The following PHC2 variants were observed in gnomAD, a reference collection of about 807,000 sequenced individuals.
The protein encoded by PHC2 is polyhomeotic homolog 2.
Under a neutral mutation model 87.4 loss-of-function variants are expected in PHC2, and 29 were observed. The observed-to-expected ratio is 0.33, with a 90% confidence interval of 0.25 to 0.45. PHC2 has a LOEUF of 0.45. PHC2 is among the 20% of genes least tolerant of loss of function. PHC2 has a pLI of 1.00. For synonymous variants in PHC2, 438 were observed against 461.7 expected, an observed-to-expected ratio of 0.95 and a Z score of 0.66; for missense variants, 857 against 1,136.7, an observed-to-expected ratio of 0.75 and a Z score of 3.54.
chr1:33,347,591 C>T (rs1646868571), intron 9 of PHC2: 1 of 985,434 alleles, frequency 1.0e-6, no homozygotes. Context: ...GGGGTGAAAA[C>T]AGGAGAGAAA....
chr1:33,406,354 T>G (rs1261950156), intron 1 of PHC2, among the ~76,000 whole-genome samples: 2 of 152,208 alleles, frequency 1.3e-5, no homozygotes, highest in Non-Finnish European at 2.9e-5. Flanking sequence ...CATTTTTAAC[T>G]TTCTGTTTAC....
Position 33,373,807 on chromosome 1 carries a change from C to T in PHC2, c.175-1360G>A, listed in dbSNP as rs1185667531. Among the ~76,000 whole-genome samples, 3 of 152,238 alleles carry T rather than the reference C, an allele frequency of 2.0e-5. No homozygotes were observed. In the East Asian group the frequency reaches 5.9e-4, roughly 30 times the overall value. On this transcript the variant is annotated intron_variant, in intron 2 of 14. Transcript: ENST00000683057. Reference sequence around the variant, plus strand: ...TGACCCTGGGCCCTGTCCCGGCGAGCAAGCCTTGCCAGAACGGGGCCCAGG... The same window carrying T: ...TGACCCTGGGCCCTGTCCCGGCGAGTAAGCCTTGCCAGAACGGGGCCCAGG...
intron 1 of PHC2, among the ~76,000 whole-genome samples, chr1:33,384,086 G>A (rs1648623876): frequency 6.6e-6 from 1 of 152,142 alleles, no homozygotes; most frequent in Non-Finnish European, 1.5e-5. Flanking sequence ...TGAAACTAAT[G>A]GTAAAAAAGG....
intron 1 of PHC2, among the ~76,000 whole-genome samples, chr1:33,409,529 C>A (rs6701932): frequency 0.48 from 73,205 of 152,054 alleles, 19,001 homozygotes; most frequent in South Asian, 0.62. Flanking sequence ...TCCTCTCCCC[C>A]AAATCTTCTA....
rs1340306090 is a variant in PHC2 at position 33,382,152 on chromosome 1, A to G, written c.-54-6559T>C. On this transcript the variant is annotated intron_variant, in intron 1 of 14. Transcript: ENST00000683057. This position sits in a 1 kb window ranked among gnomAD's most constrained non-coding sequence, Gnocchi z 4.3. The stretch of plus-strand genomic sequence containing the variant: ...AAACATAATTAGTAAGTGTGGACCC[A>G]TATAACAGCTTTAAAACTTTTTTTT... Among the ~76,000 whole-genome samples, 1 of 152,174 alleles carries G rather than the reference A, an allele frequency of 6.6e-6. No homozygotes were observed. Among genetic ancestry groups the G allele is most frequent in the African/African-American group, 2.4e-5 (1 of 41,428 alleles).
At chr1:33,403,497 G>A (rs1305086957) in intron 1 of PHC2, among the ~76,000 whole-genome samples, 2 of 152,172 alleles carry the variant, frequency 1.3e-5, no homozygotes, top group Non-Finnish European at 1.5e-5. Context: ...ACAGGGAGGA[G>A]CATATGGGTG....
chr1:33,328,186 T>C (rs1250235520), intron 14 of PHC2, among the ~76,000 whole-genome samples: 3 of 152,136 alleles, frequency 2.0e-5, no homozygotes, highest in Non-Finnish European at 4.4e-5. Flanking sequence ...GGCTTGCCTC[T>C]TACAGCTGGC....
At chr1:33,350,891 G>C (rs1253524012) in intron 9 of PHC2, among the ~76,000 whole-genome samples, 2 of 151,412 alleles carry the variant, frequency 1.3e-5, no homozygotes, top group African/African-American at 4.9e-5. Flanking sequence ...CTTATATTTT[G>C]TTTTATAAAC....
chr1:33,324,313 C>G lies in PHC2; in HGVS notation c.*552G>C, dbSNP rs544507286. ...CACAGCGTTAAGGCGTCTGTGCCAG[C>G]AGGCACGGCCCGGCTGGGCCCAGCT... On this transcript the variant is annotated 3_prime_UTR_variant, in exon 15 of 15. Transcript: ENST00000683057. 6.5e-6 allele frequency: 1 copy of G among 153,214 alleles called. No individual in the cohort carries two copies. Among genetic ancestry groups the G allele is most frequent in the Non-Finnish European group, 1.5e-5 (1 of 68,386 alleles). 9.5% of individuals were successfully genotyped at this position (153,214 alleles called of 1,614,324 possible).
chr1:33,392,036 T>C lies in PHC2; in HGVS notation c.-54-16443A>G, dbSNP rs184447429. 2.6e-3 allele frequency among the ~76,000 whole-genome samples: 389 copies of C among 152,270 alleles called. 2 individuals are homozygous for C. The highest frequency in any genetic ancestry group is 8.7e-3 in the African/African-American group (360 of 41,570). On this transcript the variant is annotated intron_variant, in intron 1 of 14. Transcript: ENST00000683057. ...CAGAGGGAAAGGAAAGTGCTAACGG[T>C]CTTCATGGATATTCATTACCCAGTG...
At chr1:33,356,075 A>G (rs535987665) in intron 7 of PHC2, among the ~76,000 whole-genome samples, 1 of 151,888 alleles carries the variant, frequency 6.6e-6, no homozygotes, top group South Asian at 2.1e-4. Flanking sequence ...GTGAGTTGTA[A>G]TTGTTTCTTA....
At position 33,369,689 on chromosome 1, in the gene PHC2, G is replaced by GT. The variant is rs1647704167; in HGVS notation, c.576+731dup. The stretch of plus-strand genomic sequence containing the variant: ...GGGACTGTGTTACTTTCGGGATAGT[G>GT]TGTCAAGAGCCCGAAGGAGCAGACT... On this transcript the variant is annotated intron_variant, in intron 5 of 14. Coordinates refer to ENST00000683057, the MANE Select transcript of PHC2 (RefSeq NM_001385109.1). The surrounding 1 kb of genome is among the most constrained non-coding windows in gnomAD (Gnocchi z 4.7). Among the ~76,000 whole-genome samples, 1 of 152,170 alleles carries GT rather than the reference G, an allele frequency of 6.6e-6. No homozygotes were observed.
intron 5 of PHC2, among the ~76,000 whole-genome samples, 182 bp downstream of exon 5, chr1:33,370,239 C>T (rs1437447169): frequency 6.6e-6 from 1 of 152,158 alleles, no homozygotes; most frequent in Non-Finnish European, 1.5e-5. Context: ...CCCTTCATGA[C>T]TCTTCGAGGC....
intron 1 of PHC2, among the ~76,000 whole-genome samples, chr1:33,421,697 T>C (rs1167291971): frequency 6.6e-6 from 1 of 152,206 alleles, no homozygotes; most frequent in Non-Finnish European, 1.5e-5. Flanking sequence ...GTGTTGTTTC[T>C]CAGTATTTCC....
intron 1 of PHC2, chr1:33,392,909 G>A (rs774700409): frequency 2.6e-5 from 4 of 152,212 alleles, no homozygotes; most frequent in Non-Finnish European, 4.4e-5. Flanking sequence ...AAATAGTTTG[G>A]AGAAATTGCA....
chr1:33,407,438 T>C (rs757332158), intron 1 of PHC2, among the ~76,000 whole-genome samples: 1 of 152,232 alleles, frequency 6.6e-6, no homozygotes, highest in Non-Finnish European at 1.5e-5. Context: ...CAGAAACCAC[T>C]ACTAGTATGG....
intron 4 of PHC2, among the ~76,000 whole-genome samples, 163 bp downstream of exon 4, chr1:33,370,854 A>C (rs1178630667): frequency 1.3e-5 from 2 of 151,826 alleles, no homozygotes; most frequent in Non-Finnish European, 2.9e-5. Flanking sequence ...TACTAACCTA[A>C]AGGTCAGTAA....
chr1:33,400,371 A>G (rs1052826197), intron 1 of PHC2, among the ~76,000 whole-genome samples: 1 of 152,370 alleles, frequency 6.6e-6, no homozygotes. Flanking sequence ...AAAAACCTGG[A>G]AACAAATCAA....
At chr1:33,406,305 T>C (rs915559638) in intron 1 of PHC2, among the ~76,000 whole-genome samples, 2 of 152,224 alleles carry the variant, frequency 1.3e-5, no homozygotes, top group Admixed American at 6.5e-5. Flanking sequence ...ACATAGCAAT[T>C]GGGCTTACTT....
Sources: gnomAD v4.1 joint callset for allele counts (sites outside exome capture counted in the v4.1 genomes callset) on GRCh38, gnomAD v4.1.1 for gene constraint, Gnocchi (gnomAD v3.1) non-coding constraint, MANE v1.5 for transcripts, NCBI Gene and HGNC (gene_info 2026-07-23, HGNC 2026-07-21) for gene names.